NKD1: variants seen among roughly 807,000 people sequenced by gnomAD.
The protein encoded by NKD1 is NKD inhibitor of Wnt signaling pathway 1.
In NKD1, 21 loss-of-function variants were observed where a neutral mutation model predicts 56.0. The observed-to-expected ratio is 0.38, with a 90% confidence interval of 0.27 to 0.54. The LOEUF is 0.54. Ranked by LOEUF, NKD1 falls within the 20% of genes least tolerant of loss-of-function variation. NKD1 has a pLI of 0.82. For missense variants in NKD1, 578 were observed against 642.7 expected, an observed-to-expected ratio of 0.90 and a Z score of 1.09; for synonymous variants, 263 against 265.7, an observed-to-expected ratio of 0.99 and a Z score of 0.10.
At chr16:50,560,821 C>CTTATCTATCTAT (rs1409879459) in intron 3 of NKD1, among the ~76,000 whole-genome samples, 1 of 49,704 alleles carries the variant, frequency 2.0e-5, no homozygotes, top group African/African-American at 7.3e-5. Flanking sequence ...TATACCCAAA[C>CTTATCTATCTAT]CCATCTATCT....
At chr16:50,604,934 C>G (rs1487913464) in intron 3 of NKD1, among the ~76,000 whole-genome samples, 1 of 152,220 alleles carries the variant, frequency 6.6e-6, no homozygotes, top group East Asian at 1.9e-4. Context: ...TGACCACTTA[C>G]CCACTAGAGC....
In NKD1 at chr16:50,635,065, G is replaced by A. The variant is rs945055523; in HGVS notation, c.*1284G>A. 6.6e-6 allele frequency: 1 copy of A among 152,224 alleles called. No individual in the cohort carries two copies. Among genetic ancestry groups the A allele is most frequent in the African/African-American group, 2.4e-5 (1 of 41,454 alleles). The allele number at this position is 152,224 out of a possible 1,614,324, so 9.4% of individuals were successfully genotyped here. A position where few individuals can be genotyped will look rare whatever the true frequency, so the allele number is the denominator to read the frequency against. On this transcript the variant is annotated 3_prime_UTR_variant, in exon 10 of 10. Transcript: ENST00000268459. This position sits in a 1 kb window ranked among gnomAD's most constrained non-coding sequence, Gnocchi z 4.1. ...TACACACTCAAATTGGGTAATTTGA[G>A]CAGAGCTTAATAAAGGCAGTATTTA...
intron 4 of NKD1, among the ~76,000 whole-genome samples, chr16:50,621,381 C>A (rs928130782): frequency 1.3e-5 from 2 of 152,226 alleles, no homozygotes; most frequent in Non-Finnish European, 2.9e-5. Context: ...GGGGGCCCCC[C>A]ACGGTGCAAG....
At position 50,598,179 on chromosome 16, in the gene NKD1, C is replaced by A. The variant is rs566704869; in HGVS notation, c.193-10115C>A. On this transcript the variant is annotated intron_variant, in intron 3 of 9. Transcript: ENST00000268459. The surrounding 1 kb of genome is among the most constrained non-coding windows in gnomAD (Gnocchi z 4.2). ...GGGATCAGAGTGGGTAGGAGCATGG[C>A]TTCTGCAAGATGGTTTCTCCAGGGC... Among the ~76,000 whole-genome samples the A allele has an allele frequency of 7.3e-5, 11 of 151,544 alleles. No individual in the cohort carries two copies. Among genetic ancestry groups the A allele is most frequent in the African/African-American group, 2.4e-4 (10 of 41,240 alleles).
intron 3 of NKD1, among the ~76,000 whole-genome samples, chr16:50,592,783 G>T (rs1160580109): frequency 2.0e-5 from 3 of 152,112 alleles, no homozygotes; most frequent in African/African-American, 7.2e-5. Context: ...ATGGGGAGGG[G>T]GAGGGGGCGG....
rs1960281912 is a variant in NKD1, at chr16:50,548,426, C to T, written c.-128C>T. 4.1e-6 allele frequency: 2 copies of T among 488,936 alleles called. No individual in the cohort carries two copies. The highest frequency in any genetic ancestry group is 5.9e-6 in the Non-Finnish European group (2 of 341,680). The allele number at this position is 488,936 out of a possible 1,614,324, so 30.3% of individuals were successfully genotyped here. ...GGCCGCGGCGACGGCGGCAGGAGCG[C>T]GTCCCGGCGCCGCCTCGGGCTCCGC... On this transcript the variant is annotated 5_prime_UTR_variant, in exon 1 of 10. Coordinates refer to ENST00000268459, the MANE Select transcript of NKD1 (RefSeq NM_033119.5).
chr16:50,554,676 C>A (rs1282733750), intron 3 of NKD1, among the ~76,000 whole-genome samples: 1 of 152,064 alleles, frequency 6.6e-6, no homozygotes, highest in Admixed American at 6.6e-5. Flanking sequence ...ACTCTGCCAC[C>A]CAGGCTGGGG....
At chr16:50,588,598 C>CTTTTTTTTT (rs574622414) in intron 3 of NKD1, among the ~76,000 whole-genome samples, 4 of 94,652 alleles carry the variant, frequency 4.2e-5, no homozygotes, top group Non-Finnish European at 8.3e-5. Context: ...TTTTCTTCTG[C>CTTTTTTTTT]TTTTTTTTTT....
rs543756247 is a variant in NKD1 at position 50,646,346 on chromosome 16, C to T, written c.*12565C>T. 3.8e-5 allele frequency: 5 copies of T among 132,166 alleles called. No homozygotes were observed. Among genetic ancestry groups the T allele is most frequent in the African/African-American group, 1.5e-4 (5 of 34,290 alleles). The allele number at this position is 132,166 out of a possible 1,614,324, so 8.2% of individuals were successfully genotyped here. On this transcript the variant is annotated 3_prime_UTR_variant, in exon 10 of 10. Transcript: ENST00000268459. ...TGAGATTTTCCCTACAAAGAGGTTT[C>T]CAAAAAAGACGAGGAAGAAAAAGAG...
At chr16:50,582,856 A>C (rs1961146889) in intron 3 of NKD1, among the ~76,000 whole-genome samples, 1 of 152,082 alleles carries the variant, frequency 6.6e-6, no homozygotes, top group Non-Finnish European at 1.5e-5. Flanking sequence ...AAAATACAAA[A>C]CTTAGCCAGA....
At position 50,633,440 on chromosome 16, in the gene NKD1, G is replaced by T; in HGVS notation, c.1072G>T (p.Val358Leu). 6.2e-7 allele frequency: 1 copy of T among 1,610,766 alleles called. No individual in the cohort carries two copies. Among genetic ancestry groups the T allele is most frequent in the Non-Finnish European group, 8.5e-7 (1 of 1,178,096 alleles). The change falls in exon 10 of 10, where the codon GTG (valine) becomes TTG (leucine). Residue 358 changes from valine (V) to leucine (L), a missense_variant. Transcript: ENST00000268459. This position sits in a 1 kb window ranked among gnomAD's most constrained non-coding sequence, Gnocchi z 4.9. ...CAAGGCCCAGGGCAAGAGTGTGGGT[G>T]TGGGCCACGTGGCCAGAGGGGCAAG... The part of the protein sequence containing the change: ...SPKAQGKSVG[V>L]GHVARGARNK...
rs370717750 is a variant in NKD1 at position 50,644,823 on chromosome 16, G to C, written c.*11042G>C. 2.6e-5 allele frequency: 4 copies of C among 152,274 alleles called. No individual in the cohort carries two copies. The highest frequency in any genetic ancestry group is 9.7e-5 in the African/African-American group (4 of 41,440). The allele number at this position is 152,274 out of a possible 1,614,324, so 9.4% of individuals were successfully genotyped here. A position where few individuals can be genotyped will look rare whatever the true frequency, so the allele number is the denominator to read the frequency against. ...CCAGTGTGGTGCATGTGAACTTCCC[G>C]CCTTCCCTTCCTTCCCTCCTCCCTC... On this transcript the variant is annotated 3_prime_UTR_variant, in exon 10 of 10. Transcript: ENST00000268459.
chr16:50,585,441 G>A (rs1447125132), intron 3 of NKD1, among the ~76,000 whole-genome samples: 1 of 152,228 alleles, frequency 6.6e-6, no homozygotes, highest in Non-Finnish European at 1.5e-5. Context: ...CTGAGTCTGA[G>A]AGGCTGCTTT....
In NKD1 at chr16:50,634,725, A is replaced by T. The variant is rs2151282020; in HGVS notation, c.*944A>T. 6.6e-6 allele frequency: 1 copy of T among 152,484 alleles called. No individual in the cohort carries two copies. Among genetic ancestry groups the T allele is most frequent in the East Asian group, 1.9e-4 (1 of 5,330 alleles). 9.4% of individuals were successfully genotyped at this position (152,484 alleles called of 1,614,324 possible). A position where few individuals can be genotyped will look rare whatever the true frequency, so the allele number is the denominator to read the frequency against. ...TTTCTATAAATATACACTCTCAGGT[A>T]TCTTTTCTGGTGTGTATAAATCAGT... On this transcript the variant is annotated 3_prime_UTR_variant, in exon 10 of 10. Transcript: ENST00000268459.
intron 4 of NKD1, among the ~76,000 whole-genome samples, chr16:50,619,400 A>G (rs1962036601): frequency 6.6e-6 from 1 of 151,848 alleles, no homozygotes; most frequent in Admixed American, 6.6e-5. Flanking sequence ...CACTTTCCTC[A>G]TTGCCCTTTC....
chr16:50,564,367 G>A (rs1316697785), intron 3 of NKD1, among the ~76,000 whole-genome samples: 2 of 152,256 alleles, frequency 1.3e-5, no homozygotes, highest in Non-Finnish European at 2.9e-5. Flanking sequence ...ACTCCCTGCT[G>A]AGTTGGAGGC....
In NKD1 at chr16:50,630,188, C is replaced by A; in HGVS notation, c.465C>A (p.Asp155Glu). 1.9e-6 allele frequency: 3 copies of A among 1,613,960 alleles called. No homozygotes were observed. The highest frequency in any genetic ancestry group is 2.5e-6 in the Non-Finnish European group (3 of 1,179,900). The change falls in exon 7 of 10, where the codon GAC (aspartate) becomes GAA (glutamate). Residue 155 changes from aspartate (D) to glutamate (E), a missense_variant and splice_region_variant. Physicochemically the swap from Asp to Glu is conservative, Grantham distance 45. Coordinates refer to ENST00000268459, the MANE Select transcript of NKD1 (RefSeq NM_033119.5). Reference protein sequence around the residue: ...FDNNGKVTREDITSLLHTIYE... With the variant: ...FDNNGKVTREEITSLLHTIYE... ...GTCTCCGCTTCCCTCCCATTCAGGA[C>A]ATCACCAGCTTGCTGCACACCATCT... is the stretch of plus-strand genomic sequence containing the variant.
At chr16:50,562,255 G>A in intron 3 of NKD1, 1 of 970,646 alleles carries the variant, frequency 1.0e-6, no homozygotes, top group Non-Finnish European at 1.2e-6. Flanking sequence ...ACATTCATAG[G>A]CCATGGTCCT....
In NKD1 at chr16:50,647,074, C is replaced by A. The variant is rs535101097; in HGVS notation, c.*13293C>A. On this transcript the variant is annotated 3_prime_UTR_variant, in exon 10 of 10. Coordinates refer to ENST00000268459, the MANE Select transcript of NKD1 (RefSeq NM_033119.5). ...CTGGTTGGCAAGCAGCATCAACCAGCTCTTTCTTTTCACTATATTACATAT... is the reference window on the plus strand; with the variant it reads ...CTGGTTGGCAAGCAGCATCAACCAGATCTTTCTTTTCACTATATTACATAT... 6.6e-6 allele frequency: 1 copy of A among 152,324 alleles called. No individual in the cohort carries two copies. Among genetic ancestry groups the A allele is most frequent in the South Asian group, 2.1e-4 (1 of 4,824 alleles). The allele number at this position is 152,324 out of a possible 1,614,324, so 9.4% of individuals were successfully genotyped here.
Sources: gnomAD v4.1 joint callset for allele counts (sites outside exome capture counted in the v4.1 genomes callset) on GRCh38, gnomAD v4.1.1 for gene constraint, Gnocchi (gnomAD v3.1) non-coding constraint, MANE v1.5 for transcripts, NCBI Gene and HGNC (gene_info 2026-07-23, HGNC 2026-07-21) for gene names.